The following FYTTD1 variants were observed in gnomAD, a reference collection of about 807,000 sequenced individuals.
FYTTD1 encodes UAP56-interacting factor.
FYTTD1 carries 22 observed loss-of-function variants against 40.9 expected under a neutral mutation model. That is an observed-to-expected ratio of 0.54 (90% CI 0.38 to 0.77). FYTTD1 has a LOEUF of 0.77. Ranked by LOEUF, FYTTD1 falls within the 30% of genes least tolerant of loss-of-function variation. The pLI, the probability that FYTTD1 is intolerant of heterozygous loss-of-function variation, is 0.00. For missense variants in FYTTD1, 351 were observed against 392.2 expected (o/e 0.90, Z 0.89); for synonymous variants, 140 against 137.9 (o/e 1.01, Z -0.10).
intron 1 of FYTTD1, among the ~76,000 whole-genome samples, chr3:197,755,403 G>A (rs1729182264): frequency 6.6e-6 from 1 of 151,890 alleles, no homozygotes; most frequent in Non-Finnish European, 1.5e-5. Flanking sequence ...TAGTTGAATG[G>A]TTTAATTTTT....
At chr3:197,753,402 T>G (rs188340728) in intron 1 of FYTTD1, among the ~76,000 whole-genome samples, 79 of 152,322 alleles carry the variant, frequency 5.2e-4, no homozygotes, top group Admixed American at 4.6e-3. Context: ...GAACTGTTGG[T>G]ACTAACATTG....
intron 8 of FYTTD1, among the ~76,000 whole-genome samples, chr3:197,781,083 A>G (rs1356163391): frequency 6.6e-6 from 1 of 151,646 alleles, no homozygotes; most frequent in Admixed American, 6.6e-5. Flanking sequence ...GGAGGCCGAC[A>G]CAGGTGGATC....
At chr3:197,777,987 T>C (rs972729272) in intron 7 of FYTTD1, among the ~76,000 whole-genome samples, 3 of 152,212 alleles carry the variant, frequency 2.0e-5, no homozygotes, top group Non-Finnish European at 4.4e-5. Flanking sequence ...ACCGGGATTA[T>C]AGGCCCGAGC....
intron 1 of FYTTD1, chr3:197,755,815 G>A: frequency 6.4e-7 from 1 of 1,551,060 alleles, no homozygotes; most frequent in Non-Finnish European, 8.7e-7. Flanking sequence ...AAAAAATGGA[G>A]CCTTCTGTGA....
chr3:197,760,442 A>G (rs947762441), intron 2 of FYTTD1, among the ~76,000 whole-genome samples: 1 of 151,846 alleles, frequency 6.6e-6, no homozygotes, highest in Non-Finnish European at 1.5e-5. Context: ...GGTAGAATGT[A>G]TGAGTTCTTC....
At chr3:197,751,476 T>C (rs1286673976) in intron 1 of FYTTD1, among the ~76,000 whole-genome samples, 1 of 152,102 alleles carries the variant, frequency 6.6e-6, no homozygotes, top group Non-Finnish European at 1.5e-5. Context: ...TGAAATCCCA[T>C]GTCTACTAAA....
chr3:197,758,738 T>A (rs1475520622), intron 2 of FYTTD1, among the ~76,000 whole-genome samples: 2 of 152,230 alleles, frequency 1.3e-5, no homozygotes, highest in Non-Finnish European at 2.9e-5. Context: ...CAGCTGCCAC[T>A]GTTACTGAAT....
intron 7 of FYTTD1, 49 bp downstream of exon 7, chr3:197,777,050 A>C (rs756422306): frequency 9.0e-7 from 1 of 1,116,350 alleles, no homozygotes; most frequent in South Asian, 1.3e-5. Context: ...TCATTACATG[A>C]GATCATAAGA....
At chr3:197,766,457 G>GTGTGTGTGTT (rs1177062233) in intron 2 of FYTTD1, among the ~76,000 whole-genome samples, 44 of 151,498 alleles carry the variant, frequency 2.9e-4, no homozygotes, top group Middle Eastern at 6.8e-3. Flanking sequence ...GTGTGTGTGT[G>GTGTGTGTGTT]TGTTTGAGAC....
In FYTTD1 at chr3:197,776,942, C is replaced by T. The variant is rs777438189; in HGVS notation, c.672C>T (p.Thr224=). ...TTGAAACTAGATGGCGGACTTCCAC[C>T]ACAAATGGAGGGATTTTGACTGTAT... is the stretch of plus-strand genomic sequence containing the variant. The part of the protein sequence containing the change: ...AKRTRQWRTS[T]TNGGILTVSI... The change falls in exon 7 of 9, where the codon ACC becomes ACT. Residue 224 remains threonine (T), a synonymous_variant. Transcript: ENST00000241502. 8.7e-6 allele frequency: 14 copies of T among 1,609,172 alleles called. No homozygotes were observed. The Admixed American group carries it at 2.3e-4, about 27-fold the overall frequency.
intron 3 of FYTTD1, among the ~76,000 whole-genome samples, chr3:197,769,335 C>T (rs905658906): frequency 6.6e-6 from 1 of 152,174 alleles, no homozygotes; most frequent in Non-Finnish European, 1.5e-5. Flanking sequence ...ATCCATCCGC[C>T]TCACCCTCCC....
chr3:197,759,830 G>T (rs1325790503), intron 2 of FYTTD1, among the ~76,000 whole-genome samples: 1 of 151,678 alleles, frequency 6.6e-6, no homozygotes, highest in Admixed American at 6.6e-5. Flanking sequence ...TTCTTCAGTG[G>T]TAGAACGTAT....
At chr3:197,753,257 A>C (rs1477332026) in intron 1 of FYTTD1, among the ~76,000 whole-genome samples, 1 of 152,172 alleles carries the variant, frequency 6.6e-6, no homozygotes, top group Non-Finnish European at 1.5e-5. Flanking sequence ...TGGCTTTGCC[A>C]GGTGTATATG....
chr3:197,763,497 G>A (rs1729451956), intron 2 of FYTTD1: 2 of 449,892 alleles, frequency 4.4e-6, no homozygotes, highest in Admixed American at 2.4e-5. Flanking sequence ...CAATTGTTAA[G>A]CATATGAAGA....
intron 4 of FYTTD1, among the ~76,000 whole-genome samples, chr3:197,770,650 C>A (rs1193715714): frequency 6.6e-6 from 1 of 152,062 alleles, no homozygotes. Flanking sequence ...TGGGCTCAAG[C>A]GATCCTCCCA....
At chr3:197,754,454 T>C (rs529882063) in intron 1 of FYTTD1, among the ~76,000 whole-genome samples, 1 of 152,140 alleles carries the variant, frequency 6.6e-6, no homozygotes, top group African/African-American at 2.4e-5. Context: ...AACAGTAATA[T>C]ATTACAAAGG....
intron 1 of FYTTD1, 25 bp from the exon 2 acceptor site, chr3:197,756,401 A>G (rs1729215559): frequency 6.4e-7 from 1 of 1,550,898 alleles, no homozygotes. Context: ...TAAAATGAAA[A>G]TAATTGACAT....
In FYTTD1 at chr3:197,769,994, T is replaced by C; in HGVS notation, c.385-138T>C. On this transcript the variant is annotated intron_variant, in intron 3 of 8. Transcript: ENST00000241502. ...GTCATGTAGACTGTACAGTTTCAAG[T>C]TGTTTGTTTCTCCGTCTCCCTTATC... The C allele has an allele frequency of 3.2e-6, 2 of 615,896 alleles. 1 individual carries two copies. The highest frequency in any genetic ancestry group is 4.2e-5 in the South Asian group (2 of 47,856). The allele number at this position is 615,896 out of a possible 1,614,324, so 38.2% of individuals were successfully genotyped here.
chr3:197,767,756 A>G (rs1729595524), intron 2 of FYTTD1, among the ~76,000 whole-genome samples: 1 of 152,202 alleles, frequency 6.6e-6, no homozygotes, highest in Non-Finnish European at 1.5e-5. Flanking sequence ...CCCAGCCTTA[A>G]AAAAGTATTT....
Sources: gnomAD v4.1 joint callset for allele counts (sites outside exome capture counted in the v4.1 genomes callset) on GRCh38, gnomAD v4.1.1 for gene constraint, MANE v1.5 for transcripts, NCBI Gene and HGNC (gene_info 2026-07-23, HGNC 2026-07-21) for gene names.